GABRG3: variants seen among roughly 807,000 people sequenced by gnomAD.
GABRG3 encodes gamma-aminobutyric acid receptor subunit gamma-3.
In GABRG3, 25 loss-of-function variants were observed where a neutral mutation model predicts 48.8. The observed-to-expected ratio is 0.51, with a 90% CI of 0.37 to 0.72. GABRG3 has a LOEUF of 0.72. GABRG3 is among the 30% of genes least tolerant of loss of function. The probability of loss-of-function intolerance (pLI) is 0.00; values close to 1 mark genes in which losing one functional copy is unlikely to be tolerated. For missense variants in GABRG3, 394 were observed against 577.9 expected, an observed-to-expected ratio of 0.68 and a Z score of 3.26; for synonymous variants, 227 against 217.6, an observed-to-expected ratio of 1.04 and a Z score of -0.38.
intron 5 of GABRG3, among the ~76,000 whole-genome samples, chr15:27,476,041 A>G (rs1336049622): frequency 6.6e-6 from 1 of 152,194 alleles, no homozygotes; most frequent in Admixed American, 6.5e-5. Context: ...ACCCGGCTCA[A>G]AAGAACATAA....
At chr15:27,517,073 C>A (rs1047541927) in intron 6 of GABRG3, among the ~76,000 whole-genome samples, 1 of 151,930 alleles carries the variant, frequency 6.6e-6, no homozygotes, top group Non-Finnish European at 1.5e-5. Context: ...TCACTGACAA[C>A]ATCGTGCCCA....
In GABRG3 at chr15:27,536,693, C is replaced by T. The variant is rs926570781; in HGVS notation, c.*3812C>T. On this transcript the variant is annotated 3_prime_UTR_variant, in exon 10 of 10. Coordinates refer to ENST00000615808, the MANE Select transcript of GABRG3 (RefSeq NM_033223.5). ...ATGAGTGTCTCTAATAGAAACTCCG[C>T]ACCAAATCATTTTACCTGGTGATAG... is the stretch of plus-strand genomic sequence containing the variant. 6.6e-6 allele frequency: 1 copy of T among 152,174 alleles called. No homozygotes were observed. Among genetic ancestry groups the T allele is most frequent in the Non-Finnish European group, 1.5e-5 (1 of 68,034 alleles). 9.4% of individuals were successfully genotyped at this position (152,174 alleles called of 1,614,324 possible).
chr15:27,359,691 G>C (rs149864877), intron 5 of GABRG3, among the ~76,000 whole-genome samples: 13 of 152,198 alleles, frequency 8.5e-5, no homozygotes, highest in African/African-American at 2.6e-4. Flanking sequence ...AAATGTTTTT[G>C]TAAACGTTTC....
intron 3 of GABRG3, among the ~76,000 whole-genome samples, chr15:27,069,622 A>C (rs558963139): frequency 6.6e-6 from 1 of 152,236 alleles, no homozygotes. Context: ...TAAAATGTTA[A>C]CTGCCGTTAT....
chr15:27,359,905 G>A (rs990959556), intron 5 of GABRG3, among the ~76,000 whole-genome samples: 9 of 152,102 alleles, frequency 5.9e-5, no homozygotes, highest in East Asian at 1.9e-4. Flanking sequence ...TTCCATATAC[G>A]TTTTTCTTGT....
intron 7 of GABRG3, among the ~76,000 whole-genome samples, chr15:27,520,798 TA>T (rs1312100881): frequency 1.3e-5 from 2 of 150,622 alleles, no homozygotes; most frequent in African/African-American, 4.9e-5. Flanking sequence ...TGTTTTCCCC[TA>T]AAAAAAATCC....
chr15:27,270,790 G>A (rs908817566), intron 3 of GABRG3, among the ~76,000 whole-genome samples: 6 of 152,140 alleles, frequency 3.9e-5, no homozygotes, highest in Non-Finnish European at 7.3e-5. Flanking sequence ...ATCCTGATTT[G>A]ATTATTATAC....
chr15:27,278,438 A>G (rs568038451), intron 3 of GABRG3, among the ~76,000 whole-genome samples: 1 of 152,274 alleles, frequency 6.6e-6, no homozygotes, highest in South Asian at 2.1e-4. Flanking sequence ...GATCTCAGGA[A>G]GAATATGTTC....
Position 27,540,718 on chromosome 15 carries a change from G to T in GABRG3, c.*7837G>T, listed in dbSNP as rs149839855. On this transcript the variant is annotated 3_prime_UTR_variant, in exon 10 of 10. Transcript: ENST00000615808. ...AGCTCCGGTACTGAGCAAAAGGTTC[G>T]TTGTTTAGGAGTGAAATTTTCTGTG... 2.0e-5 allele frequency: 3 copies of T among 152,270 alleles called. No individual in the cohort carries two copies. The East Asian group carries it at 5.8e-4, about 29-fold the overall frequency. The allele number at this position is 152,270 out of a possible 1,614,324, so 9.4% of individuals were successfully genotyped here.
chr15:27,002,380 C>T (rs1039019881), intron 2 of GABRG3, among the ~76,000 whole-genome samples: 1 of 152,140 alleles, frequency 6.6e-6, no homozygotes, highest in Non-Finnish European at 1.5e-5. Context: ...CCTCCCTCAG[C>T]ATGGATTCTG....
At chr15:27,292,990 G>C (rs1891844983) in intron 3 of GABRG3, among the ~76,000 whole-genome samples, 1 of 152,178 alleles carries the variant, frequency 6.6e-6, no homozygotes, top group South Asian at 2.1e-4. Context: ...CCCTAATCCT[G>C]AACTAATAGC....
At chr15:27,250,289 G>A (rs138521547) in intron 3 of GABRG3, among the ~76,000 whole-genome samples, 85 of 152,292 alleles carry the variant, frequency 5.6e-4, no homozygotes, top group African/African-American at 1.8e-3. Flanking sequence ...GCTGTCCAGC[G>A]CCACATGCTA....
At chr15:27,425,734 A>C (rs984928172) in intron 5 of GABRG3, among the ~76,000 whole-genome samples, 1 of 152,208 alleles carries the variant, frequency 6.6e-6, no homozygotes, top group Admixed American at 6.5e-5. Context: ...CTTTTGAGAG[A>C]ATCTTTTCTT....
chr15:27,459,013 GTCTTC>G (rs1000634300), intron 5 of GABRG3, among the ~76,000 whole-genome samples: 12 of 152,148 alleles, frequency 7.9e-5, no homozygotes, highest in Non-Finnish European at 1.6e-4. Flanking sequence ...ACACCCTTAA[GTCTTC>G]TCTTCGATTC....
In GABRG3 at chr15:27,306,289, C is replaced by A. The variant is rs916338590; in HGVS notation, c.271-20520C>A. Among the ~76,000 whole-genome samples, 7 of 135,978 alleles carry A rather than the reference C, an allele frequency of 5.1e-5. No homozygotes were observed. In the East Asian group the frequency reaches 1.6e-3, roughly 30 times the overall value. The allele number at this position is 135,978 out of a possible 152,430, so 89.2% of individuals were successfully genotyped here. On this transcript the variant is annotated intron_variant, in intron 3 of 9. Transcript: ENST00000615808. ...GTAAACATATATAACATAAACATGT[C>A]TATATATAAACATATATATAATATA...
At chr15:27,324,040 C>T (rs769025776) in intron 3 of GABRG3, among the ~76,000 whole-genome samples, 3 of 152,208 alleles carry the variant, frequency 2.0e-5, no homozygotes, top group Non-Finnish European at 2.9e-5. Context: ...CTATCACATG[C>T]CTGCAAGCAG....
intron 3 of GABRG3, among the ~76,000 whole-genome samples, chr15:27,276,795 T>G (rs1042559097): frequency 1.3e-5 from 2 of 152,206 alleles, no homozygotes; most frequent in African/African-American, 2.4e-5. Flanking sequence ...CAAAGCAAAG[T>G]CGAAGCAGGC....
chr15:27,138,558 C>T (rs1641515956), intron 3 of GABRG3, among the ~76,000 whole-genome samples: 2 of 152,158 alleles, frequency 1.3e-5, no homozygotes, highest in South Asian at 4.1e-4. Flanking sequence ...TGCGGATTAT[C>T]CTTCCCTCTT....
chr15:27,084,722 A>C (rs1276714021), intron 3 of GABRG3, among the ~76,000 whole-genome samples: 1 of 152,246 alleles, frequency 6.6e-6, no homozygotes, highest in Non-Finnish European at 1.5e-5. Context: ...CCTCAGCCAC[A>C]TGGAACAGAC....
Sources: gnomAD v4.1 joint callset for allele counts (sites outside exome capture counted in the v4.1 genomes callset) on GRCh38, gnomAD v4.1.1 for gene constraint, MANE v1.5 for transcripts, NCBI Gene and HGNC (gene_info 2026-07-23, HGNC 2026-07-21) for gene names.